FRY: variants seen among roughly 807,000 people sequenced by gnomAD.
FRY encodes FRY microtubule binding protein.
In FRY, 128 loss-of-function variants were observed where a neutral mutation model predicts 348.4. The ratio of observed to expected loss-of-function variants is 0.37; its 90% CI spans 0.32 to 0.43. The LOEUF (loss-of-function observed/expected upper bound fraction) is 0.43, where lower values mean the gene tolerates loss of function less well. Ranked by LOEUF, FRY falls within the 20% of genes least tolerant of loss-of-function variation. FRY has a pLI of 1.00. For missense variants in FRY, 2,736 were observed against 3,695.2 expected (o/e 0.74, Z 6.73); for synonymous variants, 1,370 against 1,374.7 (o/e 1.00, Z 0.08).
At chr13:32,058,137 A>T (rs1285949272) in intron 1 of FRY, among the ~76,000 whole-genome samples, 1 of 152,220 alleles carries the variant, frequency 6.6e-6, no homozygotes, top group Non-Finnish European at 1.5e-5. Flanking sequence ...TCAACAATCC[A>T]GTTTATTTTA....
chr13:32,272,912 A>T (rs980679587), intron 55 of FRY, among the ~76,000 whole-genome samples: 24 of 147,178 alleles, frequency 1.6e-4, no homozygotes, highest in South Asian at 8.6e-4. Flanking sequence ...ATTTTTTGGT[A>T]TTTTTTTTTT....
In FRY at chr13:32,202,407, C is replaced by T. The variant is rs1325993109; in HGVS notation, c.3898C>T (p.Pro1300Ser). 6.2e-7 allele frequency: 1 copy of T among 1,614,076 alleles called. No individual in the cohort carries two copies. Among genetic ancestry groups the T allele is most frequent in the East Asian group, 2.2e-5 (1 of 44,874 alleles). ...CTCAAAGAAAGTCGCTGAGCAAAGACCGGGAAGTATTCTCTATGGAACACA... is the reference window on the plus strand; with the variant it reads ...CTCAAAGAAAGTCGCTGAGCAAAGATCGGGAAGTATTCTCTATGGAACACA... Reference protein sequence around the residue: ...VYSKKVAEQRPGSILYGTHGP... With the variant: ...VYSKKVAEQRSGSILYGTHGP... The change falls in exon 31 of 61, where the codon CCG becomes TCG. Residue 1300 changes from proline (P) to serine (S), a missense_variant. Around this residue, in one of 9 missense-constraint regions of FRY, gnomAD observed 794 missense variants for 977.0 expected, o/e 0.81. Coordinates refer to ENST00000542859, the MANE Select transcript of FRY (RefSeq NM_023037.3).
chr13:32,175,127 A>G (rs1212269779), intron 19 of FRY, among the ~76,000 whole-genome samples: 1 of 152,198 alleles, frequency 6.6e-6, no homozygotes, highest in Non-Finnish European at 1.5e-5. Context: ...TAAACAATTT[A>G]TCAGTTATTT....
rs1342471910 is a variant in FRY at position 32,074,709 on chromosome 13, G to A, written c.71-4125G>A. ...CATTATATGCAAAAAATTTTAATGG[G>A]GGTTTTTAATACAACAAATTAAGCA... On this transcript the variant is annotated intron_variant, in intron 1 of 60. Transcript: ENST00000542859. Among the ~76,000 whole-genome samples, 3 of 152,144 alleles carry A rather than the reference G, an allele frequency of 2.0e-5. No individual in the cohort carries two copies. The East Asian group carries it at 5.8e-4, about 29-fold the overall frequency.
chr13:32,195,182 T>G, intron 29 of FRY, among the ~76,000 whole-genome samples: 1 of 152,312 alleles, frequency 6.6e-6, no homozygotes, highest in East Asian at 1.9e-4. Context: ...TTTTTATCTT[T>G]CTTTTATAAA....
intron 31 of FRY, among the ~76,000 whole-genome samples, chr13:32,207,622 T>A (rs1212837489): frequency 6.6e-6 from 1 of 152,220 alleles, no homozygotes; most frequent in Non-Finnish European, 1.5e-5. Context: ...CATCCATAAA[T>A]GTAGAAATCA....
intron 36 of FRY, 99 bp from the exon 37 acceptor site, chr13:32,224,136 C>T (rs1885459522): frequency 8.9e-7 from 1 of 1,120,286 alleles, no homozygotes; most frequent in Non-Finnish European, 1.4e-6. Context: ...GTTATTTTTA[C>T]AAGCATACAT....
intron 2 of FRY, chr13:32,086,139 A>C: frequency 2.5e-6 from 1 of 398,464 alleles, no homozygotes; most frequent in Non-Finnish European, 4.9e-6. Context: ...AAAAAATAAG[A>C]ACCGCATAAT....
intron 28 of FRY, among the ~76,000 whole-genome samples, chr13:32,192,532 C>T (rs1234545457): frequency 1.3e-5 from 2 of 151,974 alleles, no homozygotes; most frequent in African/African-American, 2.4e-5. Flanking sequence ...GCAATAATAT[C>T]GTCAGCTTTT....
At chr13:32,056,940 T>G (rs1275099499) in intron 1 of FRY, among the ~76,000 whole-genome samples, 2 of 152,042 alleles carry the variant, frequency 1.3e-5, no homozygotes, top group Non-Finnish European at 2.9e-5. Context: ...ATGAAAAAAA[T>G]AAGAATCATC....
intron 28 of FRY, among the ~76,000 whole-genome samples, chr13:32,189,420 G>A (rs1269810421): frequency 1.3e-5 from 2 of 151,568 alleles, no homozygotes; most frequent in Non-Finnish European, 1.5e-5. Flanking sequence ...GAGAAAAGGT[G>A]GATAATCAAT....
At chr13:32,143,671 T>C (rs1880221157) in intron 11 of FRY, among the ~76,000 whole-genome samples, 1 of 152,190 alleles carries the variant, frequency 6.6e-6, no homozygotes, top group African/African-American at 2.4e-5. Flanking sequence ...GCTATGCAAA[T>C]ATAAACTGTT....
At position 32,149,782 on chromosome 13, in the gene FRY, T is replaced by C. The variant is rs1566098194; in HGVS notation, c.1427T>C (p.Phe476Ser). The stretch of plus-strand genomic sequence containing the variant: ...GATTTTGCAATGAAAGAAATCATTT[T>C]CGATTTTCTTTGTGTGGGAAAACCA... ...RLDFAMKEII[F>S]DFLCVGKPAK... is the part of the protein sequence containing the mutation. The change falls in exon 14 of 61, where the codon TTC (phenylalanine) becomes TCC (serine). Residue 476 changes from phenylalanine to serine, a missense_variant. Transcript: ENST00000542859. 1.2e-6 allele frequency: 2 copies of C among 1,610,398 alleles called. No individual in the cohort carries two copies. The highest frequency in any genetic ancestry group is 1.7e-5 in the Admixed American group (1 of 60,022).
intron 11 of FRY, among the ~76,000 whole-genome samples, chr13:32,145,760 G>A (rs1880401432): frequency 6.6e-6 from 1 of 151,284 alleles, no homozygotes; most frequent in Admixed American, 6.6e-5. Context: ...TAGCCAGGAT[G>A]GTCTCGATCT....
At chr13:32,098,865 G>A (rs541321381) in intron 2 of FRY, among the ~76,000 whole-genome samples, 29 of 152,150 alleles carry the variant, frequency 1.9e-4, no homozygotes, top group Non-Finnish European at 4.0e-4. Flanking sequence ...TAAGAACACA[G>A]TATTCTTTGT....
chr13:32,227,739 T>G (rs1885656993), intron 39 of FRY, among the ~76,000 whole-genome samples: 1 of 151,418 alleles, frequency 6.6e-6, no homozygotes, highest in Admixed American at 6.6e-5. Flanking sequence ...AAACAGGGTA[T>G]CATTTCACAT....
chr13:32,219,132 A>G (rs1046508831), intron 36 of FRY, among the ~76,000 whole-genome samples: 10 of 143,086 alleles, frequency 7.0e-5, no homozygotes, highest in Non-Finnish European at 1.4e-4. Context: ...TTTGTCGCCC[A>G]GGCTGGAGTG....
chr13:32,137,135 T>C (rs955717753), intron 11 of FRY, among the ~76,000 whole-genome samples, 163 bp downstream of exon 11: 8 of 152,214 alleles, frequency 5.3e-5, no homozygotes, highest in Non-Finnish European at 1.0e-4. Flanking sequence ...TTAAATATAG[T>C]CAATTTTAGA....
chr13:32,191,765 T>C (rs1407963738), intron 28 of FRY, among the ~76,000 whole-genome samples: 1 of 152,052 alleles, frequency 6.6e-6, no homozygotes, highest in East Asian at 1.9e-4. Context: ...CTCTCTGGGG[T>C]CTTTCTTATG....
Sources: allele counts gnomAD v4.1 joint callset (sites outside exome capture counted in the v4.1 genomes callset), GRCh38; gene constraint gnomAD v4.1.1; regional missense constraint gnomAD v4.1.1; transcripts MANE v1.5; gene names NCBI Gene and HGNC (gene_info 2026-07-23, HGNC 2026-07-21).